Variants in DTD1 observed in about 807,000 individuals in gnomAD.
DTD1 encodes D-tyrosyl-tRNA deacylase 1 homolog.
In DTD1, 13 loss-of-function variants were observed where a neutral mutation model predicts 25.6. The ratio of observed to expected loss-of-function variants is 0.51; its 90% CI spans 0.33 to 0.81. The LOEUF is 0.81. Among genes scored for constraint, DTD1 ranks in the 30% least tolerant of loss-of-function variants. The pLI, the probability that DTD1 is intolerant of heterozygous loss-of-function variation, is 0.02. For synonymous variants in DTD1, 110 were observed against 103.6 expected (o/e 1.06, Z -0.37); for missense variants, 193 against 266.4 (o/e 0.72, Z 1.92).
At chr20:18,679,221 G>A (rs921154213) in intron 4 of DTD1, among the ~76,000 whole-genome samples, 2 of 152,184 alleles carry the variant, frequency 1.3e-5, no homozygotes, top group Admixed American at 6.5e-5. Flanking sequence ...GACAACCGTT[G>A]CTATGGGAAT....
intron 5 of DTD1, among the ~76,000 whole-genome samples, chr20:18,758,118 T>TTA (rs2061346759): frequency 6.7e-6 from 1 of 148,668 alleles, no homozygotes; most frequent in Non-Finnish European, 1.5e-5. Context: ...TGTGGTGATA[T>TTA]CCCCTTTATC....
At chr20:18,615,157 A>G (rs140252371) in intron 3 of DTD1, among the ~76,000 whole-genome samples, 6 of 152,334 alleles carry the variant, frequency 3.9e-5, no homozygotes, top group Non-Finnish European at 5.9e-5. Context: ...TGGTCAAAGC[A>G]GTCTCACAGC....
At chr20:18,601,865 G>A (rs1345173792) in intron 3 of DTD1, among the ~76,000 whole-genome samples, 2 of 151,608 alleles carry the variant, frequency 1.3e-5, no homozygotes, top group Non-Finnish European at 2.9e-5. Flanking sequence ...AACGCAGAGC[G>A]CCTCTCCTCC....
intron 4 of DTD1, among the ~76,000 whole-genome samples, chr20:18,697,247 T>A (rs1017232506): frequency 4.6e-5 from 7 of 151,328 alleles, no homozygotes; most frequent in Non-Finnish European, 8.9e-5. Context: ...ACAAAAAAAA[T>A]TATTTAAAGC....
At chr20:18,756,305 T>A (rs888647094) in intron 5 of DTD1, among the ~76,000 whole-genome samples, 8 of 152,166 alleles carry the variant, frequency 5.3e-5, no homozygotes, top group Non-Finnish European at 1.0e-4. Flanking sequence ...TTGGCTTTTG[T>A]TGCCATTGCT....
intron 4 of DTD1, among the ~76,000 whole-genome samples, chr20:18,661,958 C>T (rs1202048263): frequency 6.6e-6 from 1 of 152,060 alleles, no homozygotes; most frequent in African/African-American, 2.4e-5. Context: ...TTGAGACCAG[C>T]CTGGGCAACA....
intron 4 of DTD1, among the ~76,000 whole-genome samples, chr20:18,640,078 T>G (rs1460551987): frequency 6.6e-6 from 1 of 151,864 alleles, no homozygotes; most frequent in Non-Finnish European, 1.5e-5. Context: ...AGTTTCATGT[T>G]GTCCCTTTGC....
intron 3 of DTD1, among the ~76,000 whole-genome samples, chr20:18,619,503 C>T (rs2060724340): frequency 6.6e-6 from 1 of 152,124 alleles, no homozygotes. Flanking sequence ...TGGCTCACTG[C>T]AACCTCCGCC....
intron 4 of DTD1, among the ~76,000 whole-genome samples, chr20:18,716,156 A>C (rs1367506567): frequency 6.6e-6 from 1 of 152,152 alleles, no homozygotes; most frequent in Non-Finnish European, 1.5e-5. Context: ...TTTGCAGCAA[A>C]TGTAACCCAT....
At chr20:18,627,585 T>TA (rs1286264868) in intron 3 of DTD1, among the ~76,000 whole-genome samples, 1 of 152,194 alleles carries the variant, frequency 6.6e-6, no homozygotes, top group Non-Finnish European at 1.5e-5. Context: ...CCATCCCTCT[T>TA]ACAAGGCTGG....
intron 4 of DTD1, chr20:18,643,237 A>G (rs188157954): frequency 2.9e-5 from 9 of 312,078 alleles, no homozygotes; most frequent in East Asian, 2.2e-4. Flanking sequence ...TTATTTAGCA[A>G]TTTGTTCTCT....
At chr20:18,588,235 T>G in intron 1 of DTD1, 120 bp downstream of exon 1, 1 of 983,312 alleles carries the variant, frequency 1.0e-6, no homozygotes, top group Non-Finnish European at 1.3e-6. Flanking sequence ...GCGAGCCTGG[T>G]CCCCTTCGCG....
intron 3 of DTD1, among the ~76,000 whole-genome samples, chr20:18,615,118 G>C (rs1477324959): frequency 1.3e-5 from 2 of 151,982 alleles, no homozygotes; most frequent in Admixed American, 1.3e-4. Context: ...CCTGGAAAGT[G>C]GCACAGCCTC....
At chr20:18,617,075 T>C (rs2060711955) in intron 3 of DTD1, among the ~76,000 whole-genome samples, 1 of 152,212 alleles carries the variant, frequency 6.6e-6, no homozygotes, top group Non-Finnish European at 1.5e-5. Flanking sequence ...CTTCTGGCCA[T>C]GAATTGCAGG....
At chr20:18,704,304 G>C (rs1035088698) in intron 4 of DTD1, among the ~76,000 whole-genome samples, 5 of 152,148 alleles carry the variant, frequency 3.3e-5, no homozygotes, top group African/African-American at 1.2e-4. Context: ...CCAGCCAGTA[G>C]TTCGTAGCTT....
chr20:18,628,272 T>C (rs1202775845), intron 4 of DTD1, 39 bp downstream of exon 4: 1 of 1,527,664 alleles, frequency 6.5e-7, no homozygotes, highest in East Asian at 2.3e-5. Flanking sequence ...GTCCCTTGGG[T>C]GCCTGTAACA....
chr20:18,735,656 C>A (rs1022717674), intron 4 of DTD1, among the ~76,000 whole-genome samples: 2 of 152,182 alleles, frequency 1.3e-5, no homozygotes, highest in African/African-American at 4.8e-5. Flanking sequence ...AAGTTATGTG[C>A]ATGGGCCCTT....
intron 3 of DTD1, among the ~76,000 whole-genome samples, chr20:18,600,993 T>C (rs962383606): frequency 6.6e-6 from 1 of 152,220 alleles, no homozygotes; most frequent in African/African-American, 2.4e-5. Context: ...TCTTCTTGGA[T>C]GATCATGTCA....
intron 5 of DTD1, among the ~76,000 whole-genome samples, chr20:18,755,797 G>T (rs1168003288): frequency 1.3e-5 from 2 of 152,052 alleles, no homozygotes; most frequent in African/African-American, 2.4e-5. Context: ...GTAATGGGAT[G>T]GCTGGGTCAA....
Sources: gnomAD v4.1 joint callset for allele counts (sites outside exome capture counted in the v4.1 genomes callset) on GRCh38, gnomAD v4.1.1 for gene constraint, MANE v1.5 for transcripts, NCBI Gene and HGNC (gene_info 2026-07-23, HGNC 2026-07-21) for gene names.